CIT: variants seen among roughly 807,000 people sequenced by gnomAD.
CIT encodes citron rho-interacting serine/threonine kinase.
CIT carries 79 observed loss-of-function variants against 272.7 expected under a neutral mutation model. The observed-to-expected ratio is 0.29, with a 90% CI of 0.24 to 0.35. The LOEUF is 0.35. Among genes scored for constraint, CIT ranks in the 10% least tolerant of loss-of-function variants. CIT has a pLI of 1.00. For synonymous variants in CIT, 948 were observed against 995.6 expected (o/e 0.95, Z 0.90); for missense variants, 1,909 against 2,618.3 (o/e 0.73, Z 5.91).
chr12:119,743,805 T>C (rs1216735159), intron 23 of CIT, among the ~76,000 whole-genome samples: 2 of 152,166 alleles, frequency 1.3e-5, no homozygotes, highest in East Asian at 1.9e-4. Flanking sequence ...CTCCCTTCTA[T>C]TGGATTGCAA....
At chr12:119,815,654 C>T (rs748698884) in intron 9 of CIT, among the ~76,000 whole-genome samples, 2 of 151,480 alleles carry the variant, frequency 1.3e-5, no homozygotes, top group Non-Finnish European at 2.9e-5. Context: ...TGCAACGAGC[C>T]GAGATCACGC....
chr12:119,761,367 G>A (rs1384000641), intron 19 of CIT, among the ~76,000 whole-genome samples: 1 of 152,182 alleles, frequency 6.6e-6, no homozygotes, highest in Non-Finnish European at 1.5e-5. Context: ...TGAGAAGGGA[G>A]GAGGAAACAA....
chr12:119,758,720 T>A lies in CIT; in HGVS notation c.2422-20A>T. On this transcript the variant is annotated intron_variant, in intron 20 of 47. Coordinates refer to ENST00000392521, the MANE Select transcript of CIT (RefSeq NM_001206999.2). ...GATCATCTGAAACACAGGGCACCTA[T>A]GAAACTTCACACACCAGAACAGGAG... is the stretch of plus-strand genomic sequence containing the variant. 1 of 1,508,536 alleles carries A rather than the reference T, an allele frequency of 6.6e-7. No homozygotes were observed. The highest frequency in any genetic ancestry group is 9.2e-7 in the Non-Finnish European group (1 of 1,083,498). 93.4% of individuals were successfully genotyped at this position (1,508,536 alleles called of 1,614,324 possible).
At position 119,728,446 on chromosome 12, in the gene CIT, C is replaced by T. The variant is rs1958246798; in HGVS notation, c.3591+56G>A. 1 of 1,131,178 alleles carries T rather than the reference C, an allele frequency of 8.8e-7. No individual in the cohort carries two copies. The highest frequency in any genetic ancestry group is 2.2e-5 in the Admixed American group (1 of 45,624). The allele number at this position is 1,131,178 out of a possible 1,614,324, so 70.1% of individuals were successfully genotyped here. A position where few individuals can be genotyped will look rare whatever the true frequency, so the allele number is the denominator to read the frequency against. Reference sequence around the variant, plus strand: ...TAAAGCTGCTCCAAAAAAAAGAAGCCTATTAAAAGAAAAAAAAAATCCACT... The same window carrying T: ...TAAAGCTGCTCCAAAAAAAAGAAGCTTATTAAAAGAAAAAAAAAATCCACT... On this transcript the variant is annotated intron_variant, in intron 28 of 47. Transcript: ENST00000392521. The surrounding 1 kb of genome is among the most constrained non-coding windows in gnomAD (Gnocchi z 4.3).
chr12:119,725,236 A>G (rs1958026312), intron 28 of CIT, among the ~76,000 whole-genome samples: 1 of 152,076 alleles, frequency 6.6e-6, no homozygotes, highest in Admixed American at 6.5e-5. Context: ...AAGCTGGGCC[A>G]ACATCGTGAA....
Position 119,690,302 on chromosome 12 carries a change from T to C in CIT, c.6035A>G (p.Lys2012Arg). 3 of 1,590,280 alleles carry C rather than the reference T, an allele frequency of 1.9e-6. No individual in the cohort carries two copies. Among genetic ancestry groups the C allele is most frequent in the Non-Finnish European group, 2.6e-6 (3 of 1,175,956 alleles). Residue 2012 changes from lysine (K) to arginine (R), a missense_variant, in exon 47 of 48, where the codon AAG (lysine) becomes AGG (arginine). Around this residue, in one of 8 missense-constraint regions of CIT, gnomAD observed 780 missense variants for 1,067.2 expected, o/e 0.73. Coordinates refer to ENST00000392521, the MANE Select transcript of CIT (RefSeq NM_001206999.2). The surrounding 1 kb of genome is among the most constrained non-coding windows in gnomAD (Gnocchi z 6.0). ...TCGCTCCAGGGGGCGGCCAGGAGAC[T>C]TGTCCCTGCGCAGCTCGGTCCGCCC... Reference protein sequence around the residue: ...REGRTELRRDKSPGRPLEREK... With the variant: ...REGRTELRRDRSPGRPLEREK...
At chr12:119,714,409 A>G (rs568042854) in intron 32 of CIT, 75 bp from the exon 33 acceptor site, 2 of 1,510,302 alleles carry the variant, frequency 1.3e-6, no homozygotes, top group East Asian at 4.6e-5. Context: ...GACAACCCAC[A>G]GAAAGGGAAA....
At chr12:119,799,751 C>A (rs1381505143) in intron 10 of CIT, among the ~76,000 whole-genome samples, 1 of 152,092 alleles carries the variant, frequency 6.6e-6, no homozygotes, top group Non-Finnish European at 1.5e-5. Context: ...GCTTGTCCAA[C>A]CCAAGGCCCC....
At chr12:119,759,895 C>G (rs557931234) in intron 20 of CIT, among the ~76,000 whole-genome samples, 13 of 152,066 alleles carry the variant, frequency 8.5e-5, no homozygotes, top group African/African-American at 3.1e-4. Context: ...CCTCAGAGAT[C>G]CTGATGTGGG....
chr12:119,767,330 G>T, intron 18 of CIT, 148 bp from the exon 19 acceptor site: 1 of 588,876 alleles, frequency 1.7e-6, no homozygotes, highest in South Asian at 3.1e-5. Context: ...CTCTTGGGAA[G>T]GAAACCACCA....
chr12:119,727,940 C>A (rs1156461561), intron 28 of CIT, among the ~76,000 whole-genome samples: 2 of 151,618 alleles, frequency 1.3e-5, no homozygotes, highest in Non-Finnish European at 2.9e-5. Context: ...AAAAAAGACT[C>A]CAGAGAGAAA....
At chr12:119,702,326 T>C (rs1956638242) in intron 41 of CIT, among the ~76,000 whole-genome samples, 1 of 151,916 alleles carries the variant, frequency 6.6e-6, no homozygotes, top group South Asian at 2.1e-4. Context: ...TCTCTTCCTA[T>C]TGTTCCATGC....
In CIT at chr12:119,701,733, G is replaced by A; in HGVS notation, c.5433C>T (p.Asp1811=). 6.2e-7 allele frequency: 1 copy of A among 1,614,242 alleles called. No individual in the cohort carries two copies. Among genetic ancestry groups the A allele is most frequent in the Non-Finnish European group, 8.5e-7 (1 of 1,180,042 alleles). The change falls in exon 43 of 48, where the codon GAC becomes GAT. Residue 1811 remains aspartate, a synonymous_variant. Coordinates refer to ENST00000392521, the MANE Select transcript of CIT (RefSeq NM_001206999.2). Reference sequence around the variant, plus strand: ...CAAACACAGCAGGTGCCAAGGAATGGTCATTCTTATCCAGGAATTCTGTAA... The same window carrying A: ...CAAACACAGCAGGTGCCAAGGAATGATCATTCTTATCCAGGAATTCTGTAA... ...YTLEEFLDKN[D]HSLAPAVFAA... is the part of the protein sequence containing the mutation.
rs1242843774 is a variant in CIT at position 119,703,744 on chromosome 12, TA to T, written c.5304+618del. Among the ~76,000 whole-genome samples the T allele has an allele frequency of 2.0e-5, 3 of 152,198 alleles. No individual in the cohort carries two copies. In the East Asian group the frequency reaches 5.8e-4, roughly 29 times the overall value. On this transcript the variant is annotated intron_variant, in intron 41 of 47. Transcript: ENST00000392521. ...CCCAGCCTCATTTCATTTTTGAGAC[TA>T]ATCATGAAAGCACCAGAAATATATC...
chr12:119,777,117 T>C (rs1283351039), intron 13 of CIT, among the ~76,000 whole-genome samples: 2 of 151,872 alleles, frequency 1.3e-5, no homozygotes, highest in Admixed American at 1.3e-4. Flanking sequence ...TAGCTGGGTG[T>C]GGTGGTGCGG....
chr12:119,789,825 G>A (rs1965146217), intron 10 of CIT, among the ~76,000 whole-genome samples: 1 of 151,636 alleles, frequency 6.6e-6, no homozygotes, highest in Non-Finnish European at 1.5e-5. Flanking sequence ...CCCTGACTCA[G>A]CTCCCGAGTA....
chr12:119,825,082 G>A, intron 8 of CIT, 83 bp downstream of exon 8: 1 of 1,251,030 alleles, frequency 8.0e-7, no homozygotes, highest in Non-Finnish European at 1.1e-6. Context: ...TTACAGGCAT[G>A]AGCCACCACG....
chr12:119,825,124 G>A (rs769551400), intron 8 of CIT, 41 bp downstream of exon 8: 11 of 1,561,760 alleles, frequency 7.0e-6, no homozygotes, highest in East Asian at 4.5e-5. Flanking sequence ...TTTAAATAAC[G>A]TTTCTCAATG....
intron 9 of CIT, among the ~76,000 whole-genome samples, chr12:119,807,605 G>A: frequency 6.6e-6 from 1 of 152,034 alleles, no homozygotes; most frequent in East Asian, 1.9e-4. Flanking sequence ...GTAAATATTT[G>A]CTAAGCAAAT....
Sources: allele counts gnomAD v4.1 joint callset (sites outside exome capture counted in the v4.1 genomes callset), GRCh38; gene constraint gnomAD v4.1.1; regional missense constraint gnomAD v4.1.1; non-coding constraint Gnocchi (gnomAD v3.1); transcripts MANE v1.5; gene names NCBI Gene and HGNC (gene_info 2026-07-23, HGNC 2026-07-21).